PPM1L: variants seen among roughly 807,000 people sequenced by gnomAD.
The protein encoded by PPM1L is protein phosphatase 1L.
A neutral mutation model predicts 31.4 loss-of-function variants in PPM1L; 13 were observed. The observed-to-expected ratio is 0.41, with a 90% CI of 0.27 to 0.66. The LOEUF (loss-of-function observed/expected upper bound fraction) is 0.66, where lower values mean the gene tolerates loss of function less well. PPM1L is among the 30% of genes least tolerant of loss of function. PPM1L has a pLI of 0.29. For synonymous variants in PPM1L, 184 were observed against 175.4 expected (o/e 1.05, Z -0.39); for missense variants, 326 against 453.7 (o/e 0.72, Z 2.56).
At chr3:160,962,216 G>A (rs1298888285) in intron 2 of PPM1L, among the ~76,000 whole-genome samples, 1 of 151,666 alleles carries the variant, frequency 6.6e-6, no homozygotes. Context: ...TTTTACATCC[G>A]AGAATCCAAG....
intron 1 of PPM1L, among the ~76,000 whole-genome samples, chr3:160,922,484 T>C (rs1714449509): frequency 6.6e-6 from 1 of 152,206 alleles, no homozygotes; most frequent in Admixed American, 6.5e-5. Context: ...TCCCGATTAC[T>C]CATATAATTC....
intron 2 of PPM1L, among the ~76,000 whole-genome samples, chr3:161,043,170 G>A (rs1316823366): frequency 6.6e-6 from 1 of 151,986 alleles, no homozygotes; most frequent in African/African-American, 2.4e-5. Context: ...GTGGGGCCAT[G>A]AGAAGCTTCA....
chr3:160,789,933 C>T (rs1304662516), intron 1 of PPM1L, among the ~76,000 whole-genome samples: 4 of 152,006 alleles, frequency 2.6e-5, no homozygotes, highest in South Asian at 2.1e-4. Context: ...ATAGTATTTG[C>T]GTATAACCTA....
intron 2 of PPM1L, among the ~76,000 whole-genome samples, chr3:160,975,703 T>G: frequency 6.6e-6 from 1 of 152,188 alleles, no homozygotes. Context: ...AGAATGCTTG[T>G]GATTTTGGTA....
At chr3:160,975,631 A>T (rs975461251) in intron 2 of PPM1L, among the ~76,000 whole-genome samples, 4 of 152,244 alleles carry the variant, frequency 2.6e-5, no homozygotes, top group East Asian at 1.9e-4. Flanking sequence ...TTCTCTTTGA[A>T]GCAATTGTGA....
intron 2 of PPM1L, among the ~76,000 whole-genome samples, chr3:161,044,190 C>T (rs559210820): frequency 1.3e-5 from 2 of 151,928 alleles, no homozygotes; most frequent in African/African-American, 2.4e-5. Flanking sequence ...CAGGCATGTA[C>T]CAACACGCCC....
intron 1 of PPM1L, among the ~76,000 whole-genome samples, chr3:160,888,032 A>G (rs1313426309): frequency 6.6e-6 from 1 of 152,200 alleles, no homozygotes; most frequent in Non-Finnish European, 1.5e-5. Context: ...TCCTGAAAGA[A>G]GCACTAAATA....
intron 1 of PPM1L, among the ~76,000 whole-genome samples, chr3:160,916,569 C>G (rs1226136886): frequency 2.0e-5 from 3 of 152,064 alleles, no homozygotes; most frequent in Non-Finnish European, 4.4e-5. Flanking sequence ...TGCATGATCT[C>G]AGATTTCAAA....
At position 161,069,168 on chromosome 3, in the gene PPM1L, G is replaced by T; in HGVS notation, c.*11G>T. ...ACAGAAGAGCAGTGAACCCTTCAGG[G>T]GTCTCAGCTGCCTTAGACTAAAGGA... On this transcript the variant is annotated 3_prime_UTR_variant, in exon 4 of 4. Coordinates refer to ENST00000498165, the MANE Select transcript of PPM1L (RefSeq NM_139245.4). 1 of 1,594,278 alleles carries T rather than the reference G, an allele frequency of 6.3e-7. No individual in the cohort carries two copies. Among genetic ancestry groups the T allele is most frequent in the Non-Finnish European group, 8.6e-7 (1 of 1,167,732 alleles).
At chr3:160,920,167 G>A (rs1008024154) in intron 1 of PPM1L, among the ~76,000 whole-genome samples, 1 of 152,082 alleles carries the variant, frequency 6.6e-6, no homozygotes, top group African/African-American at 2.4e-5. Context: ...CTCTGCAGGC[G>A]GGCTCCAGAG....
chr3:161,073,038 T>C lies in PPM1L; in HGVS notation c.*3881T>C, dbSNP rs1347223733. ...GATTAAGTCATTGATAGCTAGACTTTTGAGCTAGTTAGCTGTAGAAATAAT... is the reference window on the plus strand; with the variant it reads ...GATTAAGTCATTGATAGCTAGACTTCTGAGCTAGTTAGCTGTAGAAATAAT... On this transcript the variant is annotated 3_prime_UTR_variant, in exon 4 of 4. Transcript: ENST00000498165. 1 of 152,218 alleles carries C rather than the reference T, an allele frequency of 6.6e-6. No individual in the cohort carries two copies. Among genetic ancestry groups the C allele is most frequent in the Non-Finnish European group, 1.5e-5 (1 of 68,028 alleles). The allele number at this position is 152,218 out of a possible 1,614,324, so 9.4% of individuals were successfully genotyped here. A position where few individuals can be genotyped will look rare whatever the true frequency, so the allele number is the denominator to read the frequency against.
intron 1 of PPM1L, among the ~76,000 whole-genome samples, chr3:160,791,380 T>A (rs6779461): frequency 0.12 from 18,906 of 152,192 alleles, 2,124 homozygotes; most frequent in African/African-American, 0.3. Context: ...AGAGTTTTGT[T>A]AAGCTTTAAT....
intron 1 of PPM1L, among the ~76,000 whole-genome samples, chr3:160,866,764 A>G (rs761370612): frequency 1.3e-5 from 2 of 152,232 alleles, no homozygotes; most frequent in Non-Finnish European, 1.5e-5. Context: ...AATGAATATG[A>G]CATCTGATTA....
In PPM1L at chr3:160,925,884, C is replaced by T. The variant is rs1714570030; in HGVS notation, c.400-35852C>T. On this transcript the variant is annotated intron_variant, in intron 1 of 3. Coordinates refer to ENST00000498165, the MANE Select transcript of PPM1L (RefSeq NM_139245.4). ...TCATTGCACTCTTATAGGGTGCTGA[C>T]ATTCTTTAAAGGATCTTCTTGAGAG... Among the ~76,000 whole-genome samples, 2 of 152,168 alleles carry T rather than the reference C, an allele frequency of 1.3e-5. 1 individual carries two copies. Among genetic ancestry groups the T allele is most frequent in the Admixed American group, 1.3e-4 (2 of 15,278 alleles).
At chr3:160,925,734 T>C (rs573631579) in intron 1 of PPM1L, among the ~76,000 whole-genome samples, 18 of 152,138 alleles carry the variant, frequency 1.2e-4, no homozygotes, top group Non-Finnish European at 2.5e-4. Context: ...ATCAGTGATA[T>C]AAGTAAGACA....
intron 2 of PPM1L, among the ~76,000 whole-genome samples, chr3:161,020,512 G>T (rs1718210413): frequency 6.6e-6 from 1 of 152,154 alleles, no homozygotes; most frequent in South Asian, 2.1e-4. Flanking sequence ...CAACTAACTA[G>T]GGAAATGCAA....
At chr3:161,062,958 C>T (rs902896201) in intron 2 of PPM1L, among the ~76,000 whole-genome samples, 3 of 152,014 alleles carry the variant, frequency 2.0e-5, no homozygotes, top group Non-Finnish European at 2.9e-5. Flanking sequence ...CCAAGGTCGG[C>T]GACATGCTCA....
chr3:160,766,221 C>T (rs1442358908), intron 1 of PPM1L, among the ~76,000 whole-genome samples: 1 of 147,322 alleles, frequency 6.8e-6, no homozygotes, highest in Non-Finnish European at 1.5e-5. Context: ...TATTGATAAA[C>T]TAATATATTT....
At chr3:161,060,072 A>C (rs1719524943) in intron 2 of PPM1L, among the ~76,000 whole-genome samples, 1 of 152,170 alleles carries the variant, frequency 6.6e-6, no homozygotes, top group Non-Finnish European at 1.5e-5. Context: ...TTATATTCTA[A>C]AGGGAAAGAC....
Sources: gnomAD v4.1 joint callset for allele counts (sites outside exome capture counted in the v4.1 genomes callset) on GRCh38, gnomAD v4.1.1 for gene constraint, MANE v1.5 for transcripts, NCBI Gene and HGNC (gene_info 2026-07-23, HGNC 2026-07-21) for gene names.